The following USP37 variants were observed in gnomAD, a reference collection of about 807,000 sequenced individuals.
USP37 encodes the protein ubiquitin carboxyl-terminal hydrolase 37.
Under a neutral mutation model 124.0 loss-of-function variants are expected in USP37, and 27 were observed. The ratio of observed to expected loss-of-function variants is 0.22; its 90% CI spans 0.16 to 0.30. USP37 has a LOEUF of 0.30. USP37 is among the 10% of genes least tolerant of loss of function. The probability of loss-of-function intolerance (pLI) is 1.00; values close to 1 mark genes in which losing one functional copy is unlikely to be tolerated. For synonymous variants in USP37, 365 were observed against 388.0 expected (o/e 0.94, Z 0.70); for missense variants, 889 against 1,140.4 (o/e 0.78, Z 3.17).
At chr2:218,533,982 C>T (rs551329355) in intron 9 of USP37, among the ~76,000 whole-genome samples, 1 of 152,354 alleles carries the variant, frequency 6.6e-6, no homozygotes, top group Middle Eastern at 3.4e-3. Flanking sequence ...TAAGCACTAA[C>T]ACTGATGCAC....
chr2:218,488,522 C>T, intron 14 of USP37, 101 bp from the exon 15 acceptor site: 1 of 695,282 alleles, frequency 1.4e-6, no homozygotes, highest in Non-Finnish European at 2.4e-6. Flanking sequence ...ATGGTACTGA[C>T]ACACTATCAC....
chr2:218,558,016 A>G (rs982006561), intron 4 of USP37, among the ~76,000 whole-genome samples: 4 of 151,628 alleles, frequency 2.6e-5, no homozygotes, highest in Non-Finnish European at 5.9e-5. Flanking sequence ...GTTAGAAGAA[A>G]ATAGCTATAA....
intron 10 of USP37, among the ~76,000 whole-genome samples, chr2:218,525,940 T>A (rs960337338): frequency 4.6e-5 from 7 of 152,218 alleles, no homozygotes; most frequent in South Asian, 2.1e-4. Context: ...ACATGCAGTA[T>A]TTGGTTTTCT....
Position 218,482,095 on chromosome 2 carries a change from G to C in USP37, c.1810C>G (p.Leu604Val), listed in dbSNP as rs772391910. 6.2e-7 allele frequency: 1 copy of C among 1,612,764 alleles called. No homozygotes were observed. The highest frequency in any genetic ancestry group is 1.7e-5 in the Admixed American group (1 of 59,944). The change falls in exon 17 of 26, where the codon CTT (leucine) becomes GTT (valine). Residue 604 changes from leucine (L) to valine (V), a missense_variant. Physicochemically the swap from Leu to Val is conservative, Grantham distance 32. Coordinates refer to ENST00000258399, the MANE Select transcript of USP37 (RefSeq NM_020935.3). ...ATTGCCATATGTGCACTCCAACCAAGGGTAAAAGGTGGTTTTGTATTTTCA... is the reference window on the plus strand; with the variant it reads ...ATTGCCATATGTGCACTCCAACCAACGGTAAAAGGTGGTTTTGTATTTTCA... ...CTENTKPPFT[L>V]GWSAHMAISR...
At chr2:218,534,950 G>T (rs1691537431) in intron 8 of USP37, among the ~76,000 whole-genome samples, 1 of 152,136 alleles carries the variant, frequency 6.6e-6, no homozygotes, top group Non-Finnish European at 1.5e-5. Flanking sequence ...CTTAGCAAAA[G>T]TAAAGGAGCA....
chr2:218,470,856 T>C (rs193141791), intron 20 of USP37, among the ~76,000 whole-genome samples: 23 of 152,236 alleles, frequency 1.5e-4, no homozygotes, highest in Non-Finnish European at 2.8e-4. Flanking sequence ...AGCACTGTTG[T>C]AGAAGTTGGG....
At chr2:218,485,500 T>G (rs965330325) in intron 16 of USP37, among the ~76,000 whole-genome samples, 164 bp downstream of exon 16, 2 of 152,112 alleles carry the variant, frequency 1.3e-5, no homozygotes, top group African/African-American at 4.8e-5. Flanking sequence ...TCTTACACTC[T>G]GCACATTTCA....
At chr2:218,513,010 G>C (rs1359543943) in intron 10 of USP37, among the ~76,000 whole-genome samples, 1 of 151,816 alleles carries the variant, frequency 6.6e-6, no homozygotes, top group Non-Finnish European at 1.5e-5. Flanking sequence ...CATGTTCTAT[G>C]TTCCTTTTTC....
At chr2:218,543,930 C>T (rs1692151451) in intron 8 of USP37, among the ~76,000 whole-genome samples, 1 of 152,184 alleles carries the variant, frequency 6.6e-6, no homozygotes, top group African/African-American at 2.4e-5. Flanking sequence ...TTTTGATTCT[C>T]AAACTGAGGC....
At chr2:218,516,051 T>C (rs891047712) in intron 10 of USP37, among the ~76,000 whole-genome samples, 15 of 152,226 alleles carry the variant, frequency 9.9e-5, no homozygotes, top group African/African-American at 3.1e-4. Flanking sequence ...ATGCTGGCGA[T>C]GATGTGGAGA....
intron 11 of USP37, among the ~76,000 whole-genome samples, chr2:218,499,135 G>A (rs1047989364): frequency 4.6e-5 from 7 of 152,124 alleles, no homozygotes; most frequent in Non-Finnish European, 1.0e-4. Context: ...TTAGCCAGGC[G>A]TGGAGGCATG....
rs115757872 is a variant in USP37 at position 218,547,229 on chromosome 2, G to A, written c.430-138C>T. On this transcript the variant is annotated intron_variant, in intron 6 of 25. Transcript: ENST00000258399. ...GCTCATGCCTGTAATCCCAGAAAGC[G>A]AAGGCGGGAGGATCACTTGAGCTCA... The A allele has an allele frequency of 5.0e-5, 44 of 885,230 alleles. No individual in the cohort carries two copies. In the African/African-American group the frequency reaches 6.3e-4, roughly 13 times the overall value. 54.8% of individuals were successfully genotyped at this position (885,230 alleles called of 1,614,324 possible).
At chr2:218,495,672 A>C in intron 14 of USP37, 88 bp downstream of exon 14, 7 of 1,399,238 alleles carry the variant, frequency 5.0e-6, no homozygotes, top group Non-Finnish European at 6.7e-6. Flanking sequence ...ACAGAAAAGA[A>C]TTCATGGCAT....
intron 11 of USP37, 83 bp from the exon 12 acceptor site, chr2:218,498,240 G>A (rs555052053): frequency 1.4e-6 from 2 of 1,383,912 alleles, no homozygotes; most frequent in African/African-American, 2.9e-5. Context: ...TCCACTTTAT[G>A]TTTCAGAATC....
At chr2:218,483,593 G>GAAAAAAAAAAAAA (rs773885068) in intron 16 of USP37, among the ~76,000 whole-genome samples, 5 of 114,018 alleles carry the variant, frequency 4.4e-5, no homozygotes, top group Admixed American at 9.2e-5. Context: ...GATCTACCAG[G>GAAAAAAAAAAAAA]AAAAAAAAAA....
intron 1 of USP37, among the ~76,000 whole-genome samples, chr2:218,563,197 C>T (rs1425460398): frequency 1.3e-5 from 2 of 148,288 alleles, no homozygotes; most frequent in African/African-American, 2.5e-5. Flanking sequence ...ATCGTTTATA[C>T]AACAAAGATT....
At chr2:218,492,445 C>A (rs1688835193) in intron 14 of USP37, among the ~76,000 whole-genome samples, 1 of 152,158 alleles carries the variant, frequency 6.6e-6, no homozygotes, top group Admixed American at 6.5e-5. Flanking sequence ...TGAGGTTATA[C>A]AAGTCACAGG....
chr2:218,527,023 C>T (rs1559208741), intron 10 of USP37, among the ~76,000 whole-genome samples: 1 of 152,018 alleles, frequency 6.6e-6, no homozygotes, highest in Non-Finnish European at 1.5e-5. Context: ...CTCCCGACCT[C>T]GTGATCCACC....
At chr2:218,537,419 T>C (rs951055280) in intron 8 of USP37, among the ~76,000 whole-genome samples, 5 of 152,166 alleles carry the variant, frequency 3.3e-5, no homozygotes, top group Non-Finnish European at 7.3e-5. Context: ...CACCACTCAA[T>C]GGCCAGTTAT....
Sources: allele counts gnomAD v4.1 joint callset (sites outside exome capture counted in the v4.1 genomes callset), GRCh38; gene constraint gnomAD v4.1.1; transcripts MANE v1.5; gene names NCBI Gene and HGNC (gene_info 2026-07-23, HGNC 2026-07-21).